Variants in KIAA1671 observed in about 807,000 individuals in gnomAD.
The protein encoded by KIAA1671 is uncharacterized protein KIAA1671.
A neutral mutation model predicts 131.2 loss-of-function variants in KIAA1671; 52 were observed. That is an observed-to-expected ratio of 0.40 (90% CI 0.32 to 0.50). The LOEUF (loss-of-function observed/expected upper bound fraction) is 0.50, where lower values mean the gene tolerates loss of function less well. Ranked by LOEUF, KIAA1671 falls within the 20% of genes least tolerant of loss-of-function variation. The probability of loss-of-function intolerance (pLI) is 0.73; values close to 1 mark genes in which losing one functional copy is unlikely to be tolerated. For missense variants in KIAA1671, 2,360 were observed against 2,364.2 expected (o/e 1.00, Z 0.04); for synonymous variants, 1,003 against 961.6 (o/e 1.04, Z -0.80).
intron 6 of KIAA1671, among the ~76,000 whole-genome samples, chr22:25,097,241 G>A (rs1025270194): frequency 6.6e-6 from 1 of 152,204 alleles, no homozygotes; most frequent in South Asian, 2.1e-4. Context: ...CTCAGGGTAT[G>A]AGAGGCCCAG....
chr22:25,105,549 G>C (rs764332241), intron 6 of KIAA1671, among the ~76,000 whole-genome samples: 3 of 152,140 alleles, frequency 2.0e-5, no homozygotes, highest in Admixed American at 6.6e-5. Context: ...AAAGTCCTCT[G>C]GGGGGGAAAA....
rs757443729 is a variant in KIAA1671, at chr22:25,181,706, A to G, written c.5082A>G (p.Lys1694=). The G allele has an allele frequency of 1.9e-6, 3 of 1,551,568 alleles. No homozygotes were observed. Among genetic ancestry groups the G allele is most frequent in the East Asian group, 4.9e-5 (2 of 40,886 alleles). Residue 1694 remains lysine (K), a synonymous_variant, in exon 10 of 13, where the codon AAA becomes AAG. Transcript: ENST00000358431. ...CCCTTTTCTTTGCAACAGAGGAGAA[A>G]TCACCCAGGAAGGAGGAGTCGGATG... ...TWMFKDSTEE[K]SPRKEESDEE...
intron 6 of KIAA1671, among the ~76,000 whole-genome samples, chr22:25,160,141 C>A (rs940305754): frequency 2.0e-5 from 3 of 152,226 alleles, no homozygotes; most frequent in African/African-American, 7.2e-5. Context: ...CCTCCAGTCC[C>A]AGACCATTGA....
At chr22:25,099,573 T>C (rs1930561894) in intron 6 of KIAA1671, among the ~76,000 whole-genome samples, 1 of 120,726 alleles carries the variant, frequency 8.3e-6, no homozygotes. Context: ...TTTTTTTTTT[T>C]AGATAGAGTC....
chr22:25,071,939 G>T (rs1928852487), intron 6 of KIAA1671, among the ~76,000 whole-genome samples: 1 of 152,178 alleles, frequency 6.6e-6, no homozygotes, highest in Non-Finnish European at 1.5e-5. Flanking sequence ...CCATGTATGT[G>T]TTAGGATGGG....
chr22:25,193,814 C>G lies in KIAA1671; in HGVS notation c.*1413C>G, dbSNP rs1934744383. On this transcript the variant is annotated 3_prime_UTR_variant, in exon 13 of 13. Coordinates refer to ENST00000358431, the MANE Select transcript of KIAA1671 (RefSeq NM_001145206.2). The stretch of plus-strand genomic sequence containing the variant: ...TCGATGAGCTTTGGTTACTGATGAG[C>G]AATTGCCAGATCATGTCACCCACCC... The G allele has an allele frequency of 6.6e-6, 1 of 152,204 alleles. No homozygotes were observed. The highest frequency in any genetic ancestry group is 1.5e-5 in the Non-Finnish European group (1 of 68,056). The allele number at this position is 152,204 out of a possible 1,614,324, so 9.4% of individuals were successfully genotyped here. A position where few individuals can be genotyped will look rare whatever the true frequency, so the allele number is the denominator to read the frequency against.
chr22:25,167,982 A>G (rs927200980), intron 6 of KIAA1671, among the ~76,000 whole-genome samples: 7 of 152,128 alleles, frequency 4.6e-5, no homozygotes, highest in Admixed American at 3.9e-4. Flanking sequence ...CTTCTCTGCA[A>G]TTCAGAGAGG....
chr22:25,152,649 C>G (rs578113336), intron 6 of KIAA1671, among the ~76,000 whole-genome samples: 91 of 152,308 alleles, frequency 6.0e-4, no homozygotes, highest in African/African-American at 2.1e-3. Context: ...GTCACCCAGG[C>G]TGGAATGCAG....
At chr22:25,054,159 G>A (rs1051086373) in intron 6 of KIAA1671, 17 of 150,044 alleles carry the variant, frequency 1.1e-4, no homozygotes, top group African/African-American at 3.9e-4. Context: ...GCTGAGGCAG[G>A]AAAATCGCTT....
intron 1 of KIAA1671, among the ~76,000 whole-genome samples, chr22:25,017,939 T>C (rs1170158621): frequency 6.6e-6 from 1 of 152,064 alleles, no homozygotes; most frequent in Non-Finnish European, 1.5e-5. Context: ...AGAGGGTAAA[T>C]GAATAGTGCT....
At chr22:24,963,332 C>G (rs1328301812) in intron 1 of KIAA1671, among the ~76,000 whole-genome samples, 3 of 145,194 alleles carry the variant, frequency 2.1e-5, no homozygotes, top group Non-Finnish European at 4.5e-5. Context: ...CCACTGCACT[C>G]CAGCCTGGGC....
At chr22:25,103,983 G>GT (rs533879703) in intron 6 of KIAA1671, among the ~76,000 whole-genome samples, 2 of 151,976 alleles carry the variant, frequency 1.3e-5, no homozygotes, top group South Asian at 2.1e-4. Context: ...TTTTTTGTTT[G>GT]TTTGTTTTGT....
rs139374979 is a variant in KIAA1671, at chr22:25,000,135, G to A, written c.-207-25498G>A. Among the ~76,000 whole-genome samples, 164 of 148,922 alleles carry A rather than the reference G, an allele frequency of 1.1e-3. 1 individual carries two copies. The East Asian group carries it at 0.029, about 26-fold the overall frequency. On this transcript the variant is annotated intron_variant, in intron 1 of 12. Transcript: ENST00000358431. ...CCTGACCTCGTGATCCACCTGCCTC[G>A]GCCTCCCAAAATGCTGGGATTACAG...
At chr22:25,137,283 C>T (rs1932720440) in intron 6 of KIAA1671, among the ~76,000 whole-genome samples, 1 of 151,288 alleles carries the variant, frequency 6.6e-6, no homozygotes, top group Non-Finnish European at 1.5e-5. Context: ...CTTTTTTTTT[C>T]AATCAGGGAA....
intron 6 of KIAA1671, chr22:25,054,312 T>C (rs1927723890): frequency 6.7e-6 from 1 of 149,718 alleles, no homozygotes; most frequent in Non-Finnish European, 1.5e-5. Context: ...TCTTTTTTTT[T>C]CTTAAACAAC....
chr22:24,995,844 T>C (rs1924104667), intron 1 of KIAA1671, among the ~76,000 whole-genome samples: 1 of 152,114 alleles, frequency 6.6e-6, no homozygotes, highest in South Asian at 2.1e-4. Flanking sequence ...AGAGGTAGAG[T>C]GAGTTGCCCA....
chr22:25,019,446 T>G (rs1316844265), intron 1 of KIAA1671, among the ~76,000 whole-genome samples: 4 of 152,096 alleles, frequency 2.6e-5, no homozygotes, highest in African/African-American at 7.2e-5. Context: ...GGAGACAGTC[T>G]TAGCACCTCT....
chr22:25,133,562 A>G (rs1932542312), intron 6 of KIAA1671, among the ~76,000 whole-genome samples: 1 of 152,046 alleles, frequency 6.6e-6, no homozygotes, highest in Non-Finnish European at 1.5e-5. Flanking sequence ...GTTTGTTTTT[A>G]GAGACAGTCT....
At chr22:25,186,306 T>C (rs1934472443) in intron 11 of KIAA1671, 1 of 152,308 alleles carries the variant, frequency 6.6e-6, no homozygotes, top group African/African-American at 2.4e-5. Context: ...CTCACGTCTA[T>C]AGTCCCAGGA....
Sources: gnomAD v4.1 joint callset for allele counts (sites outside exome capture counted in the v4.1 genomes callset) on GRCh38, gnomAD v4.1.1 for gene constraint, MANE v1.5 for transcripts, NCBI Gene and HGNC (gene_info 2026-07-23, HGNC 2026-07-21) for gene names.